The following MAGI1 variants were observed in gnomAD, a reference collection of about 807,000 sequenced individuals.
MAGI1 encodes the protein membrane-associated guanylate kinase, WW and PDZ domain-containing protein 1.
A neutral mutation model predicts 139.9 loss-of-function variants in MAGI1; 58 were observed. That is an observed-to-expected ratio of 0.41 (90% CI 0.34 to 0.52). The LOEUF (loss-of-function observed/expected upper bound fraction) is 0.52, where lower values mean the gene tolerates loss of function less well. Ranked by LOEUF, MAGI1 falls within the 20% of genes least tolerant of loss-of-function variation. The pLI is 0.12. For synonymous variants in MAGI1, 812 were observed against 737.9 expected (o/e 1.10, Z -1.63); for missense variants, 1,874 against 1,901.6 (o/e 0.99, Z 0.27).
chr3:65,465,576 T>C (rs1950114534), intron 5 of MAGI1, among the ~76,000 whole-genome samples: 1 of 152,200 alleles, frequency 6.6e-6, no homozygotes, highest in Admixed American at 6.5e-5. Context: ...CCTTTCGGCC[T>C]TTGTTGTTTC....
intron 1 of MAGI1, among the ~76,000 whole-genome samples, chr3:65,947,908 G>C (rs977158616): frequency 8.2e-5 from 12 of 146,046 alleles, no homozygotes; most frequent in African/African-American, 3.0e-4. Context: ...TTGAGCAACT[G>C]CTGTGCCCAG....
intron 1 of MAGI1, among the ~76,000 whole-genome samples, chr3:65,685,641 T>A (rs560491377): frequency 1.3e-5 from 2 of 152,354 alleles, no homozygotes; most frequent in African/African-American, 4.8e-5. Flanking sequence ...ATCTTTTGAT[T>A]CAATCAATAA....
At chr3:65,364,521 T>C in intron 20 of MAGI1, 144 bp downstream of exon 20, 1 of 687,916 alleles carries the variant, frequency 1.5e-6, no homozygotes, top group Non-Finnish European at 2.6e-6. Flanking sequence ...GACAATCAAA[T>C]GTAAGTATAC....
At chr3:65,465,953 T>C (rs948020989) in intron 5 of MAGI1, among the ~76,000 whole-genome samples, 1 of 152,150 alleles carries the variant, frequency 6.6e-6, no homozygotes, top group Non-Finnish European at 1.5e-5. Flanking sequence ...ATTGTTCTTA[T>C]TGGGTAATTT....
intron 13 of MAGI1, among the ~76,000 whole-genome samples, chr3:65,398,421 G>A (rs889176241): frequency 6.6e-6 from 1 of 152,056 alleles, no homozygotes; most frequent in Non-Finnish European, 1.5e-5. Context: ...GATTGCTTGG[G>A]CCCAGAAGTT....
At chr3:65,449,973 T>A (rs984214846) in intron 6 of MAGI1, among the ~76,000 whole-genome samples, 1 of 152,226 alleles carries the variant, frequency 6.6e-6, no homozygotes, top group Non-Finnish European at 1.5e-5. Flanking sequence ...TTAATGTCTG[T>A]TGTATTCATT....
intron 4 of MAGI1, among the ~76,000 whole-genome samples, chr3:65,475,085 A>G: frequency 6.6e-6 from 1 of 152,198 alleles, no homozygotes; most frequent in Non-Finnish European, 1.5e-5. Context: ...CTAATGTTTA[A>G]GAATATCAGG....
chr3:65,382,016 C>T lies in MAGI1; in HGVS notation c.2562G>A (p.Leu854=), dbSNP rs150093034. ...CACAGATTAATTCATCTCCAGACCTCAGGCGGCCGTCAGTATCAGCAGCAC... is the reference window on the plus strand; with the variant it reads ...CACAGATTAATTCATCTCCAGACCTTAGGCGGCCGTCAGTATCAGCAGCAC... ...PLGAADTDGR[L]RSGDELICVD... is the part of the protein sequence containing the mutation. The change falls in exon 16 of 23, where the codon CTG becomes CTA. Residue 854 remains leucine (L), a synonymous_variant. Transcript: ENST00000402939. The T allele has an allele frequency of 2.4e-4, 385 of 1,614,002 alleles. No homozygotes were observed. Among genetic ancestry groups the T allele is most frequent in the Admixed American group, 1.2e-4 (7 of 59,982 alleles).
chr3:65,623,995 T>A (rs1026354780), intron 1 of MAGI1, among the ~76,000 whole-genome samples: 24 of 152,168 alleles, frequency 1.6e-4, no homozygotes, highest in Admixed American at 3.9e-4. Flanking sequence ...CACAATGGAA[T>A]ATATGTGACT....
chr3:65,490,642 G>A (rs1951941466), intron 3 of MAGI1, among the ~76,000 whole-genome samples: 1 of 151,812 alleles, frequency 6.6e-6, no homozygotes, highest in East Asian at 1.9e-4. Flanking sequence ...TCATGAGATC[G>A]AGACCATCCT....
At chr3:65,504,646 T>A (rs778859050) in intron 2 of MAGI1, among the ~76,000 whole-genome samples, 5 of 152,146 alleles carry the variant, frequency 3.3e-5, no homozygotes, top group Non-Finnish European at 7.4e-5. Flanking sequence ...ACTGTCTTCA[T>A]CCAGGAAACA....
intron 1 of MAGI1, among the ~76,000 whole-genome samples, chr3:65,921,644 T>C (rs2062193660): frequency 6.6e-6 from 1 of 152,064 alleles, no homozygotes; most frequent in African/African-American, 2.4e-5. Context: ...TACCACCATA[T>C]TGGAATAACC....
At chr3:65,370,171 A>G (rs1941844662) in intron 18 of MAGI1, among the ~76,000 whole-genome samples, 1 of 152,122 alleles carries the variant, frequency 6.6e-6, no homozygotes, top group South Asian at 2.1e-4. Context: ...CCCACTTAAA[A>G]TAGGAGCATC....
intron 2 of MAGI1, among the ~76,000 whole-genome samples, chr3:65,583,804 A>C (rs1212533635): frequency 6.6e-6 from 1 of 152,198 alleles, no homozygotes; most frequent in African/African-American, 2.4e-5. Flanking sequence ...GAACACATTC[A>C]GGTTAGGTGC....
intron 1 of MAGI1, among the ~76,000 whole-genome samples, chr3:65,752,065 C>A (rs2036199087): frequency 6.6e-6 from 1 of 152,176 alleles, no homozygotes; most frequent in South Asian, 2.1e-4. Context: ...GCCTCAGCCC[C>A]TCCAAGTAGC....
chr3:65,861,309 G>C (rs1324032561), intron 1 of MAGI1, among the ~76,000 whole-genome samples: 1 of 152,110 alleles, frequency 6.6e-6, no homozygotes, highest in East Asian at 1.9e-4. Flanking sequence ...TATACCAGGT[G>C]AGTACTCTCT....
chr3:65,668,562 CTTTTTTTT>C (rs58434479), intron 1 of MAGI1, among the ~76,000 whole-genome samples: 15 of 79,888 alleles, frequency 1.9e-4, no homozygotes, highest in African/African-American at 2.4e-4. Flanking sequence ...CCTTTTTTTT[CTTTTTTTT>C]TTTTTTTTTT....
At chr3:65,547,790 T>C (rs908705264) in intron 2 of MAGI1, among the ~76,000 whole-genome samples, 4 of 152,166 alleles carry the variant, frequency 2.6e-5, no homozygotes, top group Admixed American at 1.3e-4. Flanking sequence ...AGGTACTCCA[T>C]ACAGCTTGCA....
At chr3:65,695,363 TATGGAAGCAGATC>T (rs2089072769) in intron 1 of MAGI1, among the ~76,000 whole-genome samples, 1 of 152,178 alleles carries the variant, frequency 6.6e-6, no homozygotes, top group Non-Finnish European at 1.5e-5. Context: ...GAGTTCACCT[TATGGAAGCAGATC>T]ATAAGGATAC....
Sources: gnomAD v4.1 joint callset for allele counts (sites outside exome capture counted in the v4.1 genomes callset) on GRCh38, gnomAD v4.1.1 for gene constraint, MANE v1.5 for transcripts, NCBI Gene and HGNC (gene_info 2026-07-23, HGNC 2026-07-21) for gene names.